The following CPE variants were observed in gnomAD, a reference collection of about 807,000 sequenced individuals.
The protein encoded by CPE is carbocypeptidase E.
CPE carries 17 observed loss-of-function variants against 53.5 expected under a neutral mutation model. The ratio of observed to expected loss-of-function variants is 0.32; its 90% confidence interval spans 0.22 to 0.48. The LOEUF (loss-of-function observed/expected upper bound fraction) is 0.48, where lower values mean the gene tolerates loss of function less well. Among genes scored for constraint, CPE ranks in the 20% least tolerant of loss-of-function variants. CPE has a pLI of 0.99. For synonymous variants in CPE, 226 were observed against 228.8 expected, an observed-to-expected ratio of 0.99 and a Z score of 0.11; for missense variants, 524 against 614.7, an observed-to-expected ratio of 0.85 and a Z score of 1.56.
At chr4:165,389,257 G>T (rs1730643195) in intron 1 of CPE, among the ~76,000 whole-genome samples, 1 of 152,096 alleles carries the variant, frequency 6.6e-6, no homozygotes, top group Non-Finnish European at 1.5e-5. Flanking sequence ...GAATGCAGAA[G>T]TCGTCTTTGT....
chr4:165,393,482 T>C (rs867892333), intron 1 of CPE, among the ~76,000 whole-genome samples: 2 of 152,206 alleles, frequency 1.3e-5, no homozygotes, highest in African/African-American at 4.8e-5. Context: ...TTATAGTTTT[T>C]TCCTAGCTAG....
chr4:165,419,803 A>G (rs150737943), intron 1 of CPE, among the ~76,000 whole-genome samples: 198 of 152,336 alleles, frequency 1.3e-3, no homozygotes, highest in African/African-American at 4.2e-3. Context: ...CCAGTTGGGA[A>G]CTAATACATC....
intron 8 of CPE, among the ~76,000 whole-genome samples, chr4:165,496,189 A>G (rs1274806766): frequency 6.6e-6 from 1 of 152,214 alleles, no homozygotes; most frequent in Non-Finnish European, 1.5e-5. Context: ...CTTCTCTTAG[A>G]GCAGAATTTT....
intron 1 of CPE, among the ~76,000 whole-genome samples, chr4:165,403,461 C>G (rs965312295): frequency 1.3e-5 from 2 of 152,124 alleles, no homozygotes; most frequent in Non-Finnish European, 2.9e-5. Flanking sequence ...TTAGAGCAGT[C>G]TATTTTTGTA....
intron 1 of CPE, among the ~76,000 whole-genome samples, chr4:165,426,610 A>C (rs17046452): frequency 0.3 from 44,975 of 152,106 alleles, 6,743 homozygotes; most frequent in Middle Eastern, 0.39. Context: ...GCCTCCAATT[A>C]TTTTAGAAGT....
chr4:165,482,213 A>G, intron 3 of CPE, 29 bp from the exon 4 acceptor site: 1 of 1,433,536 alleles, frequency 7.0e-7, no homozygotes, highest in Middle Eastern at 1.8e-4. Flanking sequence ...TATTAAATTT[A>G]TAATCCTTTT....
intron 3 of CPE, among the ~76,000 whole-genome samples, chr4:165,468,108 C>G (rs999998075): frequency 6.6e-6 from 1 of 152,132 alleles, no homozygotes; most frequent in Non-Finnish European, 1.5e-5. Context: ...TAGAAAATCA[C>G]CATGGCCTTC....
chr4:165,391,383 A>G (rs1039062138), intron 1 of CPE, among the ~76,000 whole-genome samples: 4 of 152,146 alleles, frequency 2.6e-5, no homozygotes, highest in African/African-American at 9.6e-5. Flanking sequence ...AACATTTCCA[A>G]AAGGCCAAGA....
chr4:165,489,065 C>G (rs372937723), intron 6 of CPE, among the ~76,000 whole-genome samples: 18 of 152,126 alleles, frequency 1.2e-4, no homozygotes, highest in Admixed American at 1.0e-3. Context: ...ACAACAAAAA[C>G]TAAGGATAAG....
intron 1 of CPE, among the ~76,000 whole-genome samples, chr4:165,384,459 C>CA (rs1426444548): frequency 3.9e-5 from 6 of 152,096 alleles, no homozygotes; most frequent in South Asian, 2.1e-4. Flanking sequence ...CCTGTCTCTA[C>CA]AAAAAAATAA....
At chr4:165,409,017 A>G (rs1730995142) in intron 1 of CPE, among the ~76,000 whole-genome samples, 1 of 152,212 alleles carries the variant, frequency 6.6e-6, no homozygotes, top group Admixed American at 6.5e-5. Context: ...TGGTGAAATC[A>G]GACAGCAACT....
chr4:165,470,207 C>T (rs1411837706), intron 3 of CPE, among the ~76,000 whole-genome samples: 1 of 152,176 alleles, frequency 6.6e-6, no homozygotes, highest in Non-Finnish European at 1.5e-5. Context: ...GAGGGCCAAG[C>T]AGGCAACTTG....
At chr4:165,462,313 G>A (rs1406294177) in intron 1 of CPE, among the ~76,000 whole-genome samples, 1 of 152,108 alleles carries the variant, frequency 6.6e-6, no homozygotes, top group Non-Finnish European at 1.5e-5. Flanking sequence ...GTGACTATGG[G>A]TTTGTTGTTT....
intron 1 of CPE, chr4:165,386,348 C>T (rs774203773): frequency 8.7e-6 from 4 of 459,218 alleles, no homozygotes; most frequent in South Asian, 4.9e-5. Flanking sequence ...ATTTTTTAAT[C>T]CTGAATGTCT....
At chr4:165,394,406 T>C (rs560430512) in intron 1 of CPE, among the ~76,000 whole-genome samples, 5 of 152,276 alleles carry the variant, frequency 3.3e-5, no homozygotes, top group South Asian at 4.1e-4. Flanking sequence ...TGACTGACCA[T>C]TTAGGAATCC....
chr4:165,381,377 A>G, intron 1 of CPE: 1 of 454,504 alleles, frequency 2.2e-6, no homozygotes, highest in Non-Finnish European at 4.4e-6. Context: ...AATCTACATT[A>G]TGGAAAAATA....
At chr4:165,381,011 T>C (rs1730498226) in intron 1 of CPE, among the ~76,000 whole-genome samples, 1 of 152,226 alleles carries the variant, frequency 6.6e-6, no homozygotes, top group Admixed American at 6.5e-5. Flanking sequence ...TTAAAGCTAA[T>C]GTAAGTATTT....
chr4:165,450,810 G>A (rs530387025), intron 1 of CPE, among the ~76,000 whole-genome samples: 1 of 152,310 alleles, frequency 6.6e-6, no homozygotes, highest in South Asian at 2.1e-4. Flanking sequence ...CCATATAGCA[G>A]CCTTGAAAAT....
chr4:165,443,185 T>A (rs1222062017), intron 1 of CPE, among the ~76,000 whole-genome samples: 3 of 152,210 alleles, frequency 2.0e-5, no homozygotes, highest in East Asian at 3.8e-4. Flanking sequence ...AGATTTCTCC[T>A]TTGTAGAAGC....
Sources: gnomAD v4.1 joint callset for allele counts (sites outside exome capture counted in the v4.1 genomes callset) on GRCh38, gnomAD v4.1.1 for gene constraint, MANE v1.5 for transcripts, NCBI Gene and HGNC (gene_info 2026-07-23, HGNC 2026-07-21) for gene names.